Variants in FMNL3 observed in about 807,000 individuals in gnomAD.
FMNL3 encodes formin-like protein 3.
FMNL3 carries 57 observed loss-of-function variants against 119.6 expected under a neutral mutation model. That is an observed-to-expected ratio of 0.48 (90% CI 0.39 to 0.59). FMNL3 has a LOEUF of 0.59. Ranked by LOEUF, FMNL3 falls within the 20% of genes least tolerant of loss-of-function variation. The probability of loss-of-function intolerance (pLI) is 0.00; values close to 1 mark genes in which losing one functional copy is unlikely to be tolerated. For synonymous variants in FMNL3, 491 were observed against 507.3 expected, an observed-to-expected ratio of 0.97 and a Z score of 0.43; for missense variants, 1,053 against 1,323.5, an observed-to-expected ratio of 0.80 and a Z score of 3.17.
chr12:49,680,797 T>A (rs889118678), intron 1 of FMNL3, among the ~76,000 whole-genome samples: 9 of 152,190 alleles, frequency 5.9e-5, no homozygotes, highest in Admixed American at 6.5e-5. Context: ...TCACATTCTC[T>A]CACTTACTAT....
At chr12:49,691,868 C>A (rs1199165154) in intron 1 of FMNL3, among the ~76,000 whole-genome samples, 5 of 151,794 alleles carry the variant, frequency 3.3e-5, no homozygotes. Flanking sequence ...ACCCCCATCT[C>A]TACTAAAAAT....
chr12:49,693,645 T>G (rs1281379300), intron 1 of FMNL3, among the ~76,000 whole-genome samples: 2 of 124,012 alleles, frequency 1.6e-5, no homozygotes, highest in Non-Finnish European at 3.4e-5. Flanking sequence ...GGTTTTTTTT[T>G]TTTTTTTTTT....
In FMNL3 at chr12:49,642,300, C is replaced by T. The variant is rs768861285; in HGVS notation, c.*3515G>A. On this transcript the variant is annotated 3_prime_UTR_variant, in exon 26 of 26. Coordinates refer to ENST00000335154, the MANE Select transcript of FMNL3 (RefSeq NM_175736.5). The surrounding 1 kb of genome is among the most constrained non-coding windows in gnomAD (Gnocchi z 5.8). ...AGGAGGAGGCACGCAGGATGCGGCG[C>T]AGGGAAGCTGCCTTTCGAAGCATGC... is the stretch of plus-strand genomic sequence containing the variant. 1.9e-6 allele frequency: 3 copies of T among 1,614,216 alleles called. No individual in the cohort carries two copies. The East Asian group carries it at 6.7e-5, about 36-fold the overall frequency.
intron 1 of FMNL3, among the ~76,000 whole-genome samples, chr12:49,676,520 G>GTTTT (rs58117011): frequency 2.0e-4 from 21 of 103,010 alleles, no homozygotes; most frequent in East Asian, 6.2e-4. Flanking sequence ...TTCATAGTGG[G>GTTTT]TTTTTTTTTT....
chr12:49,656,762 G>A, intron 8 of FMNL3, 61 bp downstream of exon 8: 11 of 1,470,058 alleles, frequency 7.5e-6, no homozygotes, highest in East Asian at 2.3e-5. Context: ...AGGAATACAT[G>A]GAGTACAGAT....
chr12:49,665,767 G>C, intron 4 of FMNL3, 65 bp downstream of exon 4: 1 of 1,522,538 alleles, frequency 6.6e-7, no homozygotes, highest in South Asian at 1.1e-5. Context: ...GAGGACACCA[G>C]ACCCTGTGTG....
At chr12:49,651,821 C>T in intron 14 of FMNL3, 112 bp downstream of exon 14, 1 of 1,444,522 alleles carries the variant, frequency 6.9e-7, no homozygotes, top group Non-Finnish European at 9.1e-7. Context: ...CCCTCCAAGT[C>T]CTCAGATAAT....
chr12:49,667,629 AC>A (rs1943927826), intron 2 of FMNL3, among the ~76,000 whole-genome samples: 1 of 152,146 alleles, frequency 6.6e-6, no homozygotes, highest in Non-Finnish European at 1.5e-5. Context: ...AAATGCCAAC[AC>A]TGCCTTCCTC....
chr12:49,690,126 C>G lies in FMNL3; in HGVS notation c.126+16929G>C, dbSNP rs544386296. ...CCCACATTACAGATAAAATACAGCACAGAGTCTCACAGACAACCTGAGGAC... is the reference window on the plus strand; with the variant it reads ...CCCACATTACAGATAAAATACAGCAGAGAGTCTCACAGACAACCTGAGGAC... On this transcript the variant is annotated intron_variant, in intron 1 of 25. Coordinates refer to ENST00000335154, the MANE Select transcript of FMNL3 (RefSeq NM_175736.5). 2.6e-5 allele frequency among the ~76,000 whole-genome samples: 4 copies of G among 152,348 alleles called. No homozygotes were observed. The East Asian group carries it at 7.7e-4, about 29-fold the overall frequency.
rs115297935 is a variant in FMNL3, at chr12:49,651,177, C to A, written c.1788G>T (p.Lys596Asn). ...CCCCAGGCCCTGTTACCTCCAAGAT[C>A]TTCTCATCATCAAGTTCGCTGAAGA... is the stretch of plus-strand genomic sequence containing the variant. Reference protein sequence around the residue: ...GTVFSELDDEKILEDLDLDKF... With the variant: ...GTVFSELDDENILEDLDLDKF... The change falls in exon 16 of 26, where the codon AAG becomes AAT. Residue 596 changes from lysine (K) to asparagine (N), a missense_variant. Lys to Asn is a moderately conservative substitution (Grantham distance 94). This residue lies in a region of FMNL3 where 445 missense variants were observed against 628.4 expected (regional missense o/e 0.71). Transcript: ENST00000335154. 648 of 1,613,246 alleles carry A rather than the reference C, an allele frequency of 4.0e-4. 2 individuals carry two copies. In the African/African-American group the frequency reaches 7.6e-3, roughly 19 times the overall value.
intron 2 of FMNL3, among the ~76,000 whole-genome samples, chr12:49,668,266 T>C (rs1006440252): frequency 6.6e-6 from 1 of 152,244 alleles, no homozygotes. Context: ...GACAGCTCTT[T>C]GTGGGAGCTA....
chr12:49,666,278 G>A, intron 2 of FMNL3, 71 bp from the exon 3 acceptor site: 1 of 1,377,782 alleles, frequency 7.3e-7, no homozygotes, highest in Non-Finnish European at 1.0e-6. Flanking sequence ...TGAGGAAGAA[G>A]AGCATTCATA....
chr12:49,671,137 C>G (rs1008816762), intron 1 of FMNL3, among the ~76,000 whole-genome samples: 1 of 152,248 alleles, frequency 6.6e-6, no homozygotes, highest in Non-Finnish European at 1.5e-5. Flanking sequence ...CAGCCACCCA[C>G]TGTCAGCAGC....
intron 25 of FMNL3, among the ~76,000 whole-genome samples, chr12:49,646,378 C>T (rs1408473242): frequency 6.6e-6 from 1 of 152,194 alleles, no homozygotes; most frequent in Non-Finnish European, 1.5e-5. Context: ...GTTCTCAACA[C>T]TGGCCTGGTG....
At position 49,641,832 on chromosome 12, in the gene FMNL3, T is replaced by TAA; in HGVS notation, c.*3981_*3982dup. ...AGGCAAGGGCCTTCTTGACCATCTG[T>TAA]AATGTGACCACTCTGCCTGCCAGCT... On this transcript the variant is annotated 3_prime_UTR_variant, in exon 26 of 26. Transcript: ENST00000335154. The TAA allele has an allele frequency of 8.0e-7, 1 of 1,243,032 alleles. No homozygotes were observed. The allele number at this position is 1,243,032 out of a possible 1,614,324, so 77.0% of individuals were successfully genotyped here.
chr12:49,680,944 T>C (rs575486186), intron 1 of FMNL3, among the ~76,000 whole-genome samples: 74 of 152,362 alleles, frequency 4.9e-4, no homozygotes, highest in African/African-American at 1.8e-3. Flanking sequence ...GCCCATCTCC[T>C]TACAAAGAAA....
chr12:49,646,914 C>T lies in FMNL3; in HGVS notation c.2967G>A (p.Lys989=), dbSNP rs1943217043. The T allele has an allele frequency of 8.1e-6, 13 of 1,614,066 alleles. No individual in the cohort carries two copies. Among genetic ancestry groups the T allele is most frequent in the Non-Finnish European group, 7.6e-6 (9 of 1,179,958 alleles). ...TGATGATGTCCTCGATGGTACCATC[C>T]TTCCCCTCATAAACAGGCCGGTGTT... ...AKEHRPVYEG[K]DGTIEDIITG... The change falls in exon 25 of 26, where the codon AAG becomes AAA. Residue 989 remains lysine (K), a synonymous_variant. Coordinates refer to ENST00000335154, the MANE Select transcript of FMNL3 (RefSeq NM_175736.5).
chr12:49,674,894 T>G (rs1347071251), intron 1 of FMNL3, among the ~76,000 whole-genome samples: 1 of 152,238 alleles, frequency 6.6e-6, no homozygotes, highest in African/African-American at 2.4e-5. Context: ...GGTTGAGCTC[T>G]GCAGTTCACA....
chr12:49,687,743 A>G (rs1235358762), intron 1 of FMNL3, among the ~76,000 whole-genome samples: 7 of 152,230 alleles, frequency 4.6e-5, no homozygotes, highest in African/African-American at 1.7e-4. Context: ...TAAACGAGTG[A>G]TCATGCAAAG....
Sources: gnomAD v4.1 joint callset for allele counts (sites outside exome capture counted in the v4.1 genomes callset) on GRCh38, gnomAD v4.1.1 for gene constraint, gnomAD v4.1.1 regional missense constraint, Gnocchi (gnomAD v3.1) non-coding constraint, MANE v1.5 for transcripts, NCBI Gene and HGNC (gene_info 2026-07-23, HGNC 2026-07-21) for gene names.